Variants in OR5B2 observed in about 807,000 individuals in gnomAD.
The protein encoded by OR5B2 is olfactory receptor 5B2.
For missense variants in OR5B2, 411 were observed against 367.0 expected (o/e 1.12, Z -0.98); for synonymous variants, 163 against 140.8 (o/e 1.16, Z -1.11).
rs1348133703 is a variant in OR5B2 at position 58,422,889 on chromosome 11, A to G, written c.373T>C (p.Cys125Arg). 3.1e-6 allele frequency: 5 copies of G among 1,613,832 alleles called. No individual in the cohort carries two copies. In the South Asian group the frequency reaches 5.5e-5, roughly 18 times the overall value. ...SMAYDRYAAV[C>R]KPLHYTTTMT... ...GTGGTGGTGTAGTGTAGGGGTTTGC[A>G]CACTGCTGCATAGCGGTCATAGGCC... Residue 125 changes from cysteine to arginine, a missense_variant, in exon 3 of 3, where the codon TGC becomes CGC. Coordinates refer to ENST00000641342, the MANE Select transcript of OR5B2 (RefSeq NM_001005566.3).
rs1855299308 is a variant in OR5B2 at position 58,423,097 on chromosome 11, G to A, written c.165C>T (p.Thr55=). The A allele has an allele frequency of 6.2e-7, 1 of 1,613,724 alleles. No homozygotes were observed. Among genetic ancestry groups the A allele is most frequent in the Non-Finnish European group, 8.5e-7 (1 of 1,179,806 alleles). ...GGTTACTGAGGAAAAAGTACATGGG[G>A]GTGTGGAGACAAGAGTCCATCAGGA... is the stretch of plus-strand genomic sequence containing the variant. ...LLILMDSCLH[T]PMYFFLSNLS... The change falls in exon 3 of 3, where the codon ACC becomes ACT. Residue 55 remains threonine (T), a synonymous_variant. Coordinates refer to ENST00000641342, the MANE Select transcript of OR5B2 (RefSeq NM_001005566.3).
rs1437897938 is a variant in OR5B2 at position 58,423,079 on chromosome 11, G to A, written c.183C>T (p.Leu61=). ...SCLHTPMYFF[L]SNLSLVDFGY... ...CAAAGTCCACCAGAGACAGGTTACTGAGGAAAAAGTACATGGGGGTGTGGA... is the reference window on the plus strand; with the variant it reads ...CAAAGTCCACCAGAGACAGGTTACTAAGGAAAAAGTACATGGGGGTGTGGA... Residue 61 remains leucine, a synonymous_variant, in exon 3 of 3, where the codon CTC becomes CTT. Transcript: ENST00000641342. The A allele has an allele frequency of 3.7e-6, 6 of 1,613,738 alleles. No individual in the cohort carries two copies. Among genetic ancestry groups the A allele is most frequent in the African/African-American group, 1.3e-5 (1 of 75,012 alleles).
At position 58,423,063 on chromosome 11, in the gene OR5B2, C is replaced by T. The variant is rs749431410; in HGVS notation, c.199G>A (p.Val67Met). 2 of 1,613,594 alleles carry T rather than the reference C, an allele frequency of 1.2e-6. No homozygotes were observed. Among genetic ancestry groups the T allele is most frequent in the Admixed American group, 1.7e-5 (1 of 59,936 alleles). The change falls in exon 3 of 3, where the codon GTG (valine) becomes ATG (methionine). Residue 67 changes from valine to methionine, a missense_variant. Coordinates refer to ENST00000641342, the MANE Select transcript of OR5B2 (RefSeq NM_001005566.3). ...ACAGCTGAGGAGTATCCAAAGTCCA[C>T]CAGAGACAGGTTACTGAGGAAAAAG... The part of the protein sequence containing the change: ...MYFFLSNLSL[V>M]DFGYSSAVTP...
At position 58,423,150 on chromosome 11, in the gene OR5B2, A is replaced by C. The variant is rs1456645140; in HGVS notation, c.112T>G (p.Cys38Gly). 1 of 1,613,734 alleles carries C rather than the reference A, an allele frequency of 6.2e-7. No homozygotes were observed. The highest frequency in any genetic ancestry group is 1.1e-5 in the South Asian group (1 of 91,074). Residue 38 changes from cysteine (C) to glycine (G), a missense_variant, in exon 3 of 3, where the codon TGT becomes GGT. By Grantham distance (159) the Cys-to-Gly change is radical (BLOSUM62 -3). Transcript: ENST00000641342. ...AGCAACATCATCCCCAGGTTCCCAC[A>C]CAGAGTGAGGAGGTAGATGAAGGTG... ...LFTFIYLLTL[C>G]GNLGMMLLIL...
rs182823850 is a variant in OR5B2 at position 58,422,705 on chromosome 11, G to A, written c.557C>T (p.Ser186Phe). 1 of 1,613,802 alleles carries A rather than the reference G, an allele frequency of 6.2e-7. No homozygotes were observed. The highest frequency in any genetic ancestry group is 2.2e-5 in the East Asian group (1 of 44,846). The change falls in exon 3 of 3, where the codon TCT becomes TTT. Residue 186 changes from serine to phenylalanine, a missense_variant. Transcript: ENST00000641342. ...CTCACTAGTGTGTTTATCAGAGCAA[G>A]ACAGAGCCATGACTGCTGGAACATC... The part of the protein sequence containing the change: ...FCDVPAVMAL[S>F]CSDKHTSEVI...
chr11:58,422,567 T>A lies in OR5B2; in HGVS notation c.695A>T (p.His232Leu), dbSNP rs200368643. 2.5e-6 allele frequency: 4 copies of A among 1,613,746 alleles called. 1 individual carries two copies. Among genetic ancestry groups the A allele is most frequent in the South Asian group, 2.2e-5 (2 of 91,074 alleles). ...TILKMHSAKG[H>L]QKALSTCASH... ...GGCACAGGTGGACAATGCTTTTTGG[T>A]GTCCCTTAGCTGAATGCATCTTCAA... The change falls in exon 3 of 3, where the codon CAC becomes CTC. Residue 232 changes from histidine (H) to leucine (L), a missense_variant. By Grantham distance (99) the His-to-Leu change is moderately conservative. Transcript: ENST00000641342.
At chr11:58,426,581 C>G (rs1753381839) in intron 2 of OR5B2, 41 bp downstream of exon 2, 1 of 152,130 alleles carries the variant, frequency 6.6e-6, no homozygotes, top group African/African-American at 2.4e-5. Flanking sequence ...TATTCTATTA[C>G]TACAACCTAA....
intron 1 of OR5B2, among the ~76,000 whole-genome samples, chr11:58,427,207 A>G (rs1238508926): frequency 2.0e-5 from 3 of 152,124 alleles, no homozygotes; most frequent in Non-Finnish European, 4.4e-5. Context: ...TCTCACTCCA[A>G]TCATCTAGAG....
Position 58,422,285 on chromosome 11 carries a change from G to T in OR5B2, c.*47C>A. ...TCATTGCATGAGGAAAGTCTGAGAT[G>T]AGGGAAACAACATTTTTGTGTATAC... On this transcript the variant is annotated 3_prime_UTR_variant, in exon 3 of 3. Coordinates refer to ENST00000641342, the MANE Select transcript of OR5B2 (RefSeq NM_001005566.3). The T allele has an allele frequency of 8.2e-7, 1 of 1,221,350 alleles. No homozygotes were observed. The highest frequency in any genetic ancestry group is 1.2e-6 in the Non-Finnish European group (1 of 844,848). The allele number at this position is 1,221,350 out of a possible 1,614,324, so 75.7% of individuals were successfully genotyped here.
chr11:58,422,562 T>C lies in OR5B2; in HGVS notation c.700A>G (p.Lys234Glu). ...TGAGAGGCACAGGTGGACAATGCTT[T>C]TTGGTGTCCCTTAGCTGAATGCATC... ...LKMHSAKGHQ[K>E]ALSTCASHFT... Residue 234 changes from lysine to glutamate, a missense_variant, in exon 3 of 3, where the codon AAA (lysine) becomes GAA (glutamate). Coordinates refer to ENST00000641342, the MANE Select transcript of OR5B2 (RefSeq NM_001005566.3). The C allele has an allele frequency of 6.2e-7, 1 of 1,613,710 alleles. No homozygotes were observed. The highest frequency in any genetic ancestry group is 8.5e-7 in the Non-Finnish European group (1 of 1,179,794).
Position 58,426,149 on chromosome 11 carries a change from G to A in OR5B2, c.-29+473C>T, listed in dbSNP as rs551694196. Among the ~76,000 whole-genome samples the A allele has an allele frequency of 2.1e-5, 3 of 145,582 alleles. 1 individual carries two copies. Among genetic ancestry groups the A allele is most frequent in the African/African-American group, 8.5e-5 (3 of 35,324 alleles). On this transcript the variant is annotated intron_variant, in intron 2 of 2. Coordinates refer to ENST00000641342, the MANE Select transcript of OR5B2 (RefSeq NM_001005566.3). ...GTTCTTCTAAGCACATGGATTTTTT[G>A]TGTGTATAAGGGTTTTGTTTTTTGT...
At chr11:58,426,836 G>A (rs1426360699) in intron 1 of OR5B2, among the ~76,000 whole-genome samples, 160 bp from the exon 2 acceptor site, 1 of 152,114 alleles carries the variant, frequency 6.6e-6, no homozygotes, top group Non-Finnish European at 1.5e-5. Context: ...GGCTGCTGCT[G>A]TGAGGAAAAA....
At position 58,422,623 on chromosome 11, in the gene OR5B2, AAAGAT is replaced by A. The variant is rs1292504137; in HGVS notation, c.634_638del (p.Ile212TyrfsTer17). ...TGATGAATATGAACAAGTAGGAGAT[AAAGAT>A]AACTAGAAGAACAAAAAAGATATTA... On this transcript the variant is annotated frameshift_variant, in exon 3 of 3. Transcript: ENST00000641342. LOFTEE classifies it low-confidence loss of function (END_TRUNC). 3.1e-6 allele frequency: 5 copies of A among 1,613,734 alleles called. No individual in the cohort carries two copies. The highest frequency in any genetic ancestry group is 4.2e-6 in the Non-Finnish European group (5 of 1,179,812).
chr11:58,423,726 G>T (rs1855307448), intron 2 of OR5B2, among the ~76,000 whole-genome samples: 1 of 152,086 alleles, frequency 6.6e-6, no homozygotes, highest in Non-Finnish European at 1.5e-5. Context: ...TATTTAATTT[G>T]TGAGGCTCAC....
chr11:58,423,176 A>C lies in OR5B2; in HGVS notation c.86T>G (p.Phe29Cys). 6.2e-7 allele frequency: 1 copy of C among 1,613,674 alleles called. No homozygotes were observed. Among genetic ancestry groups the C allele is most frequent in the Non-Finnish European group, 8.5e-7 (1 of 1,179,708 alleles). Residue 29 changes from phenylalanine (F) to cysteine (C), a missense_variant, in exon 3 of 3, where the codon TTC becomes TGC. Transcript: ENST00000641342. ...PELQIPLFIL[F>C]TFIYLLTLCG... Reference sequence around the variant, plus strand: ...CAGAGTGAGGAGGTAGATGAAGGTGAACAAGATAAAGAGGGGGATCTGTAG... The same window carrying C: ...CAGAGTGAGGAGGTAGATGAAGGTGCACAAGATAAAGAGGGGGATCTGTAG...
Position 58,422,544 on chromosome 11 carries a change from C to T in OR5B2, c.718G>A (p.Ala240Thr), listed in dbSNP as rs1855287715. 6.2e-7 allele frequency: 1 copy of T among 1,613,738 alleles called. No homozygotes were observed. The highest frequency in any genetic ancestry group is 8.5e-7 in the Non-Finnish European group (1 of 1,179,868). ...KGHQKALSTC[A>T]SHFTAVSVFY... is the part of the protein sequence containing the mutation. ...ACGGAGACTGCAGTGAAGTGAGAGG[C>T]ACAGGTGGACAATGCTTTTTGGTGT... The change falls in exon 3 of 3, where the codon GCC becomes ACC. Residue 240 changes from alanine (A) to threonine (T), a missense_variant. Ala to Thr is a moderately conservative substitution (Grantham distance 58). Coordinates refer to ENST00000641342, the MANE Select transcript of OR5B2 (RefSeq NM_001005566.3).
Position 58,422,378 on chromosome 11 carries a change from A to T in OR5B2, c.884T>A (p.Val295Asp), listed in dbSNP as rs201591455. 57 of 1,613,338 alleles carry T rather than the reference A, an allele frequency of 3.5e-5. No individual in the cohort carries two copies. Among genetic ancestry groups the T allele is most frequent in the Non-Finnish European group, 4.6e-5 (54 of 1,179,542 alleles). ...CAACACTTTCTTGAATGCATTCTGG[A>T]CTTCTCTGTTCCTCAGGCTGTAGAC... ...PVVYSLRNREVQNAFKKVLRR... is the reference protein window; with the variant it reads ...PVVYSLRNREDQNAFKKVLRR... Residue 295 changes from valine (V) to aspartate (D), a missense_variant, in exon 3 of 3, where the codon GTC (valine) becomes GAC (aspartate). By Grantham distance (152) the Val-to-Asp change is radical. Coordinates refer to ENST00000641342, the MANE Select transcript of OR5B2 (RefSeq NM_001005566.3).
rs752911932 is a variant in OR5B2, at chr11:58,422,783, C to A, written c.479G>T (p.Gly160Val). ...TTTACAGAAAGAGAGACTGAATATG[C>A]CCCCAATGTGGAATGAGGCATTTAG... ...GFLNASFHIG[G>V]IFSLSFCKSN... The change falls in exon 3 of 3, where the codon GGC becomes GTC. Residue 160 changes from glycine (G) to valine (V), a missense_variant. By Grantham distance (109) the Gly-to-Val change is moderately radical. Transcript: ENST00000641342. 6.2e-7 allele frequency: 1 copy of A among 1,613,700 alleles called. No individual in the cohort carries two copies. Among genetic ancestry groups the A allele is most frequent in the South Asian group, 1.1e-5 (1 of 91,068 alleles).
In OR5B2 at chr11:58,422,324, T is replaced by A. The variant is rs1283122092; in HGVS notation, c.*8A>T. ...TTTTGTGTATACAACAATGTTAAAA[T>A]TCCAAACTTATAGAAATTTTTGCCT... is the stretch of plus-strand genomic sequence containing the variant. On this transcript the variant is annotated 3_prime_UTR_variant, in exon 3 of 3. Transcript: ENST00000641342. 5.1e-6 allele frequency: 8 copies of A among 1,582,114 alleles called. No homozygotes were observed. Among genetic ancestry groups the A allele is most frequent in the Non-Finnish European group, 2.6e-6 (3 of 1,154,172 alleles).
Sources: gnomAD v4.1 joint callset for allele counts (sites outside exome capture counted in the v4.1 genomes callset) on GRCh38, gnomAD v4.1.1 for gene constraint, MANE v1.5 for transcripts, NCBI Gene and HGNC (gene_info 2026-07-23, HGNC 2026-07-21) for gene names.